The following COL5A1 variants were observed in gnomAD, a reference collection of about 807,000 sequenced individuals.
COL5A1 encodes collagen type V alpha 1 chain, also known as collagen alpha-1(V) chain.
A neutral mutation model predicts 263.7 loss-of-function variants in COL5A1; 16 were observed. That is an observed-to-expected ratio of 0.06 (90% CI 0.04 to 0.09). The LOEUF (loss-of-function observed/expected upper bound fraction) is 0.09. COL5A1 is among the 10% of genes least tolerant of loss of function. The pLI is 1.00. For synonymous variants in COL5A1, 1,012 were observed against 1,004.5 expected, an observed-to-expected ratio of 1.01 and a Z score of -0.14; for missense variants, 2,036 against 2,540.5, an observed-to-expected ratio of 0.80 and a Z score of 4.27.
chr9:134,670,688 T>C (rs1460467714), intron 1 of COL5A1, among the ~76,000 whole-genome samples: 1 of 152,166 alleles, frequency 6.6e-6, no homozygotes, highest in African/African-American at 2.4e-5. Context: ...CTCACATGCA[T>C]GTAGAGCTTT....
At chr9:134,706,920 C>A (rs965671794) in intron 4 of COL5A1, among the ~76,000 whole-genome samples, 1 of 152,214 alleles carries the variant, frequency 6.6e-6, no homozygotes, top group South Asian at 2.1e-4. Context: ...CCGCCTAGCC[C>A]CTGTCCCAGC....
chr9:134,730,150 T>C, intron 6 of COL5A1, 86 bp from the exon 7 acceptor site: 2 of 1,580,798 alleles, frequency 1.3e-6, no homozygotes, highest in East Asian at 2.2e-5. Context: ...CTGAGATGCC[T>C]GCACCCGGAC....
Position 134,756,786 on chromosome 9 carries a change from G to A in COL5A1, c.1849G>A (p.Ala617Thr), listed in dbSNP as rs1302174857. 1.2e-6 allele frequency: 2 copies of A among 1,613,980 alleles called. No homozygotes were observed. The change falls in exon 17 of 66, where the codon GCC (alanine) becomes ACC (threonine). Residue 617 changes from alanine to threonine, a missense_variant. Around this residue, in one of 3 missense-constraint regions of COL5A1, gnomAD observed 1,078 missense variants for 1,521.4 expected, o/e 0.71. Coordinates refer to ENST00000371817, the MANE Select transcript of COL5A1 (RefSeq NM_000093.5). ...GRRGRAGSDG[A>T]RGMPGQTGPK... ...CCAGGGTCGGGCTGGGAGTGATGGA[G>A]CCAGAGGAATGCCTGGACAAACTGG...
chr9:134,811,623 C>T (rs1172126233), intron 46 of COL5A1, 24 bp downstream of exon 46: 3 of 1,494,994 alleles, frequency 2.0e-6, no homozygotes, highest in Non-Finnish European at 2.7e-6. Flanking sequence ...TCTCACCACA[C>T]CGGGCTCCTC....
At chr9:134,732,186 C>A in intron 9 of COL5A1, 59 bp downstream of exon 9, 1 of 1,589,494 alleles carries the variant, frequency 6.3e-7, no homozygotes, top group Non-Finnish European at 8.6e-7. Context: ...GGGGTCACAG[C>A]GGGGTGTGTA....
intron 63 of COL5A1, 119 bp from the exon 64 acceptor site, chr9:134,829,857 C>G (rs908518811): frequency 1.9e-5 from 22 of 1,148,982 alleles, no homozygotes; most frequent in Non-Finnish European, 2.8e-5. Flanking sequence ...CCTGCAGCCC[C>G]CCCGGCGTGA....
intron 63 of COL5A1, among the ~76,000 whole-genome samples, chr9:134,828,298 A>G (rs1298948166): frequency 6.6e-6 from 1 of 152,176 alleles, no homozygotes; most frequent in East Asian, 1.9e-4. Context: ...TGTGGAAAGC[A>G]GGCCTCAGGT....
rs920786304 is a variant in COL5A1, at chr9:134,700,794, C to T, written c.492-377C>T. Among the ~76,000 whole-genome samples the T allele has an allele frequency of 2.6e-5, 4 of 152,310 alleles. No individual in the cohort carries two copies. Among genetic ancestry groups the T allele is most frequent in the Non-Finnish European group, 4.4e-5 (3 of 68,036 alleles). On this transcript the variant is annotated intron_variant, in intron 3 of 65. Coordinates refer to ENST00000371817, the MANE Select transcript of COL5A1 (RefSeq NM_000093.5). This position sits in a 1 kb window ranked among gnomAD's most constrained non-coding sequence, Gnocchi z 4.0. ...GCACACAGCAAAATACAACGGCCGC[C>T]GCCCTGCCATTCTCCCGATGGCTGT...
chr9:134,737,381 A>G (rs2132653188), intron 9 of COL5A1, among the ~76,000 whole-genome samples: 1 of 152,232 alleles, frequency 6.6e-6, no homozygotes, highest in Middle Eastern at 3.4e-3. Flanking sequence ...CAACGTGGGG[A>G]GCAGACACTT....
intron 42 of COL5A1, among the ~76,000 whole-genome samples, chr9:134,807,262 G>A (rs985539619): frequency 6.6e-6 from 1 of 152,214 alleles, no homozygotes; most frequent in Non-Finnish European, 1.5e-5. Flanking sequence ...CTCAAATTGA[G>A]TTAGGTCTGA....
chr9:134,722,500 C>T (rs1002762703), intron 4 of COL5A1, among the ~76,000 whole-genome samples: 13 of 152,174 alleles, frequency 8.5e-5, no homozygotes, highest in Non-Finnish European at 1.6e-4. Context: ...GTGCCGGACA[C>T]GCCCATGATC....
chr9:134,776,556 G>A (rs1373349427), intron 27 of COL5A1, among the ~76,000 whole-genome samples: 2 of 152,186 alleles, frequency 1.3e-5, no homozygotes, highest in African/African-American at 2.4e-5. Flanking sequence ...GAGTGGTGTC[G>A]GCGCCTCACG....
chr9:134,783,536 C>A (rs547040211), intron 29 of COL5A1, among the ~76,000 whole-genome samples: 1 of 152,206 alleles, frequency 6.6e-6, no homozygotes, highest in South Asian at 2.1e-4. Context: ...ACCGAAGACG[C>A]CTCGGCCTCC....
intron 52 of COL5A1, 72 bp from the exon 53 acceptor site, chr9:134,816,954 G>A (rs1421799842): frequency 9.6e-6 from 13 of 1,350,480 alleles, no homozygotes; most frequent in Admixed American, 6.7e-5. Flanking sequence ...GACTGAAATC[G>A]CCATGTGTTT....
chr9:134,729,560 C>G (rs1834795027), intron 6 of COL5A1, among the ~76,000 whole-genome samples: 1 of 88,416 alleles, frequency 1.1e-5, no homozygotes, highest in African/African-American at 4.7e-5. Context: ...GTGCATGAGC[C>G]TGTGTGTGTG....
At position 134,742,752 on chromosome 9, in the gene COL5A1, A is replaced by G. The variant is rs912006251; in HGVS notation, c.1494+3944A>G. Among the ~76,000 whole-genome samples, 1 of 152,134 alleles carries G rather than the reference A, an allele frequency of 6.6e-6. No individual in the cohort carries two copies. Among genetic ancestry groups the G allele is most frequent in the Non-Finnish European group, 1.5e-5 (1 of 68,024 alleles). On this transcript the variant is annotated intron_variant, in intron 11 of 65. Transcript: ENST00000371817. This position sits in a 1 kb window ranked among gnomAD's most constrained non-coding sequence, Gnocchi z 4.6. ...TTTGCGCATCCGGGAATATAGTGAG[A>G]TATCAGTGGGTCTGAAATCATGAGG...
At chr9:134,701,938 C>T (rs753676130) in intron 4 of COL5A1, among the ~76,000 whole-genome samples, 1 of 152,192 alleles carries the variant, frequency 6.6e-6, no homozygotes, top group Admixed American at 6.5e-5. Context: ...TGGGGTTCTG[C>T]GTGAGAGAGC....
chr9:134,822,100 A>G lies in COL5A1; in HGVS notation c.4558A>G (p.Ile1520Val), dbSNP rs781775486. Residue 1520 changes from isoleucine to valine, a missense_variant, in exon 59 of 66, where the codon ATC becomes GTC. Physicochemically the swap from Ile to Val is conservative, Grantham distance 29. Coordinates refer to ENST00000371817, the MANE Select transcript of COL5A1 (RefSeq NM_000093.5). ...TGCATTTTCTGGTCCTTTTCAGGGTATCACTGGTCCTTCTGGCCCGATTGG... is the reference window on the plus strand; with the variant it reads ...TGCATTTTCTGGTCCTTTTCAGGGTGTCACTGGTCCTTCTGGCCCGATTGG... ...GSSGPKGEQG[I>V]TGPSGPIGPP... The G allele has an allele frequency of 1.2e-6, 2 of 1,613,772 alleles. No individual in the cohort carries two copies. Among genetic ancestry groups the G allele is most frequent in the Non-Finnish European group, 8.5e-7 (1 of 1,179,828 alleles).
intron 11 of COL5A1, among the ~76,000 whole-genome samples, chr9:134,747,728 C>T (rs1468471572): frequency 6.6e-6 from 1 of 151,432 alleles, no homozygotes; most frequent in African/African-American, 2.4e-5. Flanking sequence ...CATGCAGACA[C>T]ATGCACACAT....
Sources: allele counts gnomAD v4.1 joint callset (sites outside exome capture counted in the v4.1 genomes callset), GRCh38; gene constraint gnomAD v4.1.1; regional missense constraint gnomAD v4.1.1; non-coding constraint Gnocchi (gnomAD v3.1); transcripts MANE v1.5; gene names NCBI Gene and HGNC (gene_info 2026-07-23, HGNC 2026-07-21).